Variants in RTL4 observed in about 807,000 individuals in gnomAD.
The protein encoded by RTL4 is retrotransposon Gag like 4, also known as retrotransposon Gag-like protein 4.
Under a neutral mutation model 5.3 loss-of-function variants are expected in RTL4, and 4 were observed. The ratio of observed to expected loss-of-function variants is 0.75; its 90% CI spans 0.37 to 1.72. RTL4 has a LOEUF of 1.72. Ranked by LOEUF, RTL4 falls within the 40% of genes most tolerant of loss-of-function variation. The pLI is 0.04. For synonymous variants in RTL4, 98 were observed against 87.3 expected (o/e 1.12, Z -0.68); for missense variants, 260 against 227.1 (o/e 1.14, Z -0.93).
chrX:112,165,653 G>A, the RTL4 span, among the ~76,000 whole-genome samples: 3 of 111,284 alleles, frequency 2.7e-5, no homozygotes, highest in Non-Finnish European at 5.7e-5. Context: ...TATATTCCCT[G>A]TACTTTTTAT....
the RTL4 span, among the ~76,000 whole-genome samples, chrX:112,125,487 G>T: frequency 9.0e-6 from 1 of 111,711 alleles, no homozygotes; most frequent in Admixed American, 9.5e-5. Context: ...ATGCCCCTTG[G>T]ATTATCTGAT....
chrX:112,180,114 T>C, the RTL4 span, among the ~76,000 whole-genome samples: 3 of 111,492 alleles, frequency 2.7e-5, no homozygotes, highest in East Asian at 8.5e-4. Context: ...TTTGCACTTA[T>C]GATATCTTGT....
At chrX:112,342,648 G>A in the RTL4 span, among the ~76,000 whole-genome samples, 1 of 111,485 alleles carries the variant, frequency 9.0e-6, no homozygotes, top group Non-Finnish European at 1.9e-5. Context: ...CCATGGGAAT[G>A]TCTCTATTTT....
the RTL4 span, among the ~76,000 whole-genome samples, chrX:112,137,008 G>A: frequency 8.1e-5 from 9 of 111,335 alleles, no homozygotes; most frequent in Admixed American, 5.7e-4. Context: ...AAATAGACAA[G>A]TGAAATTATA....
At chrX:112,105,549 C>T in the RTL4 span, among the ~76,000 whole-genome samples, 1 of 110,832 alleles carries the variant, frequency 9.0e-6, no homozygotes, top group Non-Finnish European at 1.9e-5. Flanking sequence ...TTATTTGTAC[C>T]TTCTTCAGTT....
the RTL4 span, among the ~76,000 whole-genome samples, chrX:112,193,088 G>T: frequency 9.0e-6 from 1 of 111,258 alleles, no homozygotes; most frequent in South Asian, 3.7e-4. Flanking sequence ...ATTGCCTTTG[G>T]CATTTATGGT....
chrX:112,433,341 A>T, the RTL4 span, among the ~76,000 whole-genome samples: 1 of 87,010 alleles, frequency 1.1e-5, no homozygotes, highest in Non-Finnish European at 2.2e-5. Flanking sequence ...CATTTTCATG[A>T]TATTGATTCT....
chrX:112,303,996 C>T, the RTL4 span, among the ~76,000 whole-genome samples: 3 of 110,492 alleles, frequency 2.7e-5, no homozygotes, highest in South Asian at 3.9e-4. Context: ...CGAAGTGTTG[C>T]GTGTATAGTC....
the RTL4 span, among the ~76,000 whole-genome samples, chrX:112,176,017 C>G: frequency 9.0e-6 from 1 of 110,590 alleles, no homozygotes; most frequent in Admixed American, 9.6e-5. Context: ...AGCTGATAAG[C>G]AACTTCAGCA....
chrX:112,199,275 C>T, the RTL4 span, among the ~76,000 whole-genome samples: 3 of 88,398 alleles, frequency 3.4e-5, no homozygotes, highest in African/African-American at 4.6e-5. Flanking sequence ...GGCGACGGAG[C>T]GAGGCTCCGT....
chrX:112,342,411 A>G, the RTL4 span, among the ~76,000 whole-genome samples: 1 of 111,683 alleles, frequency 9.0e-6, no homozygotes, highest in Non-Finnish European at 1.9e-5. Context: ...ATTTTAATGC[A>G]TGGAGATATT....
At chrX:112,121,272 C>G in the RTL4 span, among the ~76,000 whole-genome samples, 1 of 111,095 alleles carries the variant, frequency 9.0e-6, no homozygotes, top group Non-Finnish European at 1.9e-5. Context: ...ATTATTGTTT[C>G]TATAAAAACT....
exon 1 of RTL4, chrX:112,456,492 G>A: frequency 3.3e-6 from 1 of 304,876 alleles, no homozygotes; most frequent in Non-Finnish European, 5.9e-6. Flanking sequence ...ATGTCTTATA[G>A]CCAAGTCAAT....
chrX:112,184,022 A>G, the RTL4 span, among the ~76,000 whole-genome samples: 1 of 110,656 alleles, frequency 9.0e-6, no homozygotes. Context: ...TGGTATTTCT[A>G]GTTCTAGATC....
chrX:112,244,529 T>C, the RTL4 span, among the ~76,000 whole-genome samples: 1 of 111,637 alleles, frequency 9.0e-6, no homozygotes, highest in South Asian at 3.8e-4. Flanking sequence ...TGCCCTTTTT[T>C]TGCTTTCCAT....
chrX:112,085,356 A>G, the RTL4 span, among the ~76,000 whole-genome samples: 1 of 112,504 alleles, frequency 8.9e-6, no homozygotes, highest in East Asian at 2.8e-4. Flanking sequence ...TGACTGTTAA[A>G]ATGTAATTGA....
At chrX:112,102,225 C>A in the RTL4 span, among the ~76,000 whole-genome samples, 2 of 111,309 alleles carry the variant, frequency 1.8e-5, no homozygotes, top group South Asian at 7.4e-4. Flanking sequence ...TGTAGATAAA[C>A]GCATGAGAGT....
the RTL4 span, among the ~76,000 whole-genome samples, chrX:112,119,410 T>C: frequency 9.1e-6 from 1 of 110,200 alleles, no homozygotes; most frequent in East Asian, 2.9e-4. Context: ...AACGTAGAGG[T>C]GGAGACAGTT....
At chrX:112,201,648 A>G in the RTL4 span, among the ~76,000 whole-genome samples, 1 of 111,004 alleles carries the variant, frequency 9.0e-6, no homozygotes, top group South Asian at 4.0e-4. Context: ...TAGCTTCTGA[A>G]AAAAAAATTA....
Sources: gnomAD v4.1 joint callset for allele counts (sites outside exome capture counted in the v4.1 genomes callset) on GRCh38, gnomAD v4.1.1 for gene constraint, MANE v1.5 for transcripts, NCBI Gene and HGNC (gene_info 2026-07-23, HGNC 2026-07-21) for gene names.